Variants in DNM1L observed in about 807,000 individuals in gnomAD.
The protein encoded by DNM1L is dynamin-1-like protein.
DNM1L carries 33 observed loss-of-function variants against 92.8 expected under a neutral mutation model. That is an observed-to-expected ratio of 0.36 (90% CI 0.27 to 0.48). The LOEUF (loss-of-function observed/expected upper bound fraction) is 0.48, where lower values mean the gene tolerates loss of function less well. Among genes scored for constraint, DNM1L ranks in the 20% least tolerant of loss-of-function variants. The probability of loss-of-function intolerance (pLI) is 0.99; values close to 1 mark genes in which losing one functional copy is unlikely to be tolerated. For missense variants in DNM1L, 485 were observed against 888.8 expected (o/e 0.55, Z 5.78); for synonymous variants, 284 against 305.0 (o/e 0.93, Z 0.72).
intron 7 of DNM1L, among the ~76,000 whole-genome samples, chr12:32,719,451 A>T (rs937498811): frequency 3.3e-5 from 5 of 152,206 alleles, no homozygotes. Context: ...ATTGGTTTTA[A>T]TCCCTGGCAT....
chr12:32,731,962 G>C lies in DNM1L; in HGVS notation c.1446+19G>C. ...TGAAATGGTGAGCTACTATAGCATA[G>C]ATCATTGTAATTACTATTAGTAAAA... On this transcript the variant is annotated intron_variant, in intron 12 of 19. Transcript: ENST00000549701. The surrounding 1 kb of genome is among the most constrained non-coding windows in gnomAD (Gnocchi z 5.1). 1.3e-6 allele frequency: 2 copies of C among 1,581,424 alleles called. No homozygotes were observed. The highest frequency in any genetic ancestry group is 1.7e-6 in the Non-Finnish European group (2 of 1,150,664).
At chr12:32,742,827 T>C (rs1955399888) in intron 19 of DNM1L, 79 bp downstream of exon 19, 1 of 1,533,676 alleles carries the variant, frequency 6.5e-7, no homozygotes, top group Non-Finnish European at 9.0e-7. Flanking sequence ...GTTTGATTCT[T>C]GGATATGTAT....
chr12:32,740,589 A>T (rs1592690173), intron 18 of DNM1L, 71 bp downstream of exon 18: 2 of 1,349,764 alleles, frequency 1.5e-6, no homozygotes, highest in East Asian at 2.5e-5. Context: ...TTTGAAAAAT[A>T]CATGTATTTT....
intron 6 of DNM1L, among the ~76,000 whole-genome samples, chr12:32,717,875 CTA>C (rs1176597728): frequency 9.6e-6 from 1 of 104,442 alleles, no homozygotes. Flanking sequence ...ATAGTATATA[CTA>C]TATATATTTA....
chr12:32,696,760 G>A (rs1266671604), intron 1 of DNM1L, among the ~76,000 whole-genome samples: 1 of 151,576 alleles, frequency 6.6e-6, no homozygotes, highest in Non-Finnish European at 1.5e-5. Flanking sequence ...GAGTAGCTGG[G>A]ATTGCAGGCA....
intron 1 of DNM1L, among the ~76,000 whole-genome samples, chr12:32,680,833 T>G (rs190153655): frequency 8.1e-4 from 123 of 152,324 alleles, no homozygotes; most frequent in African/African-American, 4.8e-4. Flanking sequence ...AAAACTAACC[T>G]GTTTTTGTAA....
chr12:32,697,610 G>C (rs964544914), intron 1 of DNM1L, among the ~76,000 whole-genome samples: 2 of 152,112 alleles, frequency 1.3e-5, no homozygotes, highest in African/African-American at 4.8e-5. Context: ...ACAGCTCTTG[G>C]TGTGGAAGAA....
intron 12 of DNM1L, chr12:32,732,647 T>C (rs565387334): frequency 3.6e-5 from 16 of 450,288 alleles, no homozygotes; most frequent in African/African-American, 3.0e-4. Flanking sequence ...TTAGCAAGGA[T>C]AGCCCTCAGA....
chr12:32,742,516 G>A, intron 18 of DNM1L, 73 bp from the exon 19 acceptor site: 2 of 1,572,408 alleles, frequency 1.3e-6, no homozygotes, highest in South Asian at 1.1e-5. Context: ...TATTTCATGA[G>A]GTTAGCATCT....
rs1952972580 is a variant in DNM1L at position 32,707,494 on chromosome 12, A to AT, written c.297+83dup. ...ATACTTGATAATTTAGTTTCTAATC[A>AT]TTGGCAATTACGTTATTTTAAAGTA... On this transcript the variant is annotated intron_variant, in intron 3 of 19. Transcript: ENST00000549701. 4.0e-6 allele frequency: 4 copies of AT among 994,044 alleles called. No homozygotes were observed. The Admixed American group carries it at 1.0e-4, about 25-fold the overall frequency. 61.6% of individuals were successfully genotyped at this position (994,044 alleles called of 1,614,324 possible). A position where few individuals can be genotyped will look rare whatever the true frequency, so the allele number is the denominator to read the frequency against.
In DNM1L at chr12:32,717,552, C is replaced by T. The variant is rs867592671; in HGVS notation, c.620-1091C>T. Among the ~76,000 whole-genome samples the T allele has an allele frequency of 5.3e-3, 620 of 118,070 alleles. 33 individuals are homozygous for T. The highest frequency in any genetic ancestry group is 0.019 in the African/African-American group (577 of 29,966). The allele number at this position is 118,070 out of a possible 152,430, so 77.5% of individuals were successfully genotyped here. A position where few individuals can be genotyped will look rare whatever the true frequency, so the allele number is the denominator to read the frequency against. Reference sequence around the variant, plus strand: ...GCATAGTGTACAATTTTACCTATGGCATTTTTCAGTTACAAATATATATAC... The same window carrying T: ...GCATAGTGTACAATTTTACCTATGGTATTTTTCAGTTACAAATATATATAC... On this transcript the variant is annotated intron_variant, in intron 6 of 19. Transcript: ENST00000549701.
At position 32,722,591 on chromosome 12, in the gene DNM1L, A is replaced by G; in HGVS notation, c.1037A>G (p.Asn346Ser). The change falls in exon 9 of 20, where the codon AAC becomes AGC. Residue 346 changes from asparagine to serine, a missense_variant. This residue lies in a region of DNM1L where 40 missense variants were observed against 128.7 expected (regional missense o/e 0.31). Coordinates refer to ENST00000549701, the MANE Select transcript of DNM1L (RefSeq NM_012062.5). ...ACCAAATTTGCCACAGAATATTGTA[A>G]CACTATTGAAGGAACTGCAAAATAT... ...LITKFATEYC[N>S]TIEGTAKYIE... The G allele has an allele frequency of 1.2e-6, 2 of 1,613,094 alleles. No homozygotes were observed. The highest frequency in any genetic ancestry group is 1.7e-6 in the Non-Finnish European group (2 of 1,179,958).
At chr12:32,717,086 T>TATATACATAGG (rs2137398280) in intron 6 of DNM1L, among the ~76,000 whole-genome samples, 2 of 131,112 alleles carry the variant, frequency 1.5e-5, no homozygotes, top group South Asian at 2.2e-4. Flanking sequence ...TATATATATA[T>TATATACATAGG]TTTATATATA....
chr12:32,705,282 T>A (rs1286239169), intron 2 of DNM1L: 1 of 152,296 alleles, frequency 6.6e-6, no homozygotes, highest in Admixed American at 6.5e-5. Context: ...AGATTAGAAG[T>A]GTGAGCCCCA....
Position 32,745,539 on chromosome 12 carries a change from G to T in DNM1L, c.*2129G>T, listed in dbSNP as rs561633961. 5.0e-4 allele frequency: 76 copies of T among 152,264 alleles called. No individual in the cohort carries two copies. Among genetic ancestry groups the T allele is most frequent in the Non-Finnish European group, 9.5e-4 (65 of 68,090 alleles). 9.4% of individuals were successfully genotyped at this position (152,264 alleles called of 1,614,324 possible). On this transcript the variant is annotated 3_prime_UTR_variant, in exon 20 of 20. Coordinates refer to ENST00000549701, the MANE Select transcript of DNM1L (RefSeq NM_012062.5). ...ATTGTGTAAATAAAATTGCTGGTATGAAATGACACTAAAGTTTGTCAAAAA... is the reference window on the plus strand; with the variant it reads ...ATTGTGTAAATAAAATTGCTGGTATTAAATGACACTAAAGTTTGTCAAAAA...
At chr12:32,704,783 A>G (rs1462125846) in intron 2 of DNM1L, among the ~76,000 whole-genome samples, 1 of 152,154 alleles carries the variant, frequency 6.6e-6, no homozygotes, top group Non-Finnish European at 1.5e-5. Context: ...GAGTCCACGA[A>G]GGTCAAGAGT....
chr12:32,683,009 TTAATCCTATTTC>T (rs1951866175), intron 1 of DNM1L, among the ~76,000 whole-genome samples: 1 of 152,114 alleles, frequency 6.6e-6, no homozygotes. Flanking sequence ...CTTGGGAAAT[TTAATCCTATTTC>T]TTAAATTAAG....
intron 13 of DNM1L, among the ~76,000 whole-genome samples, chr12:32,736,539 A>G (rs1279750770): frequency 6.6e-6 from 1 of 152,234 alleles, no homozygotes; most frequent in Non-Finnish European, 1.5e-5. Context: ...GGTTACAGAA[A>G]GGACTAGCAG....
intron 1 of DNM1L, among the ~76,000 whole-genome samples, chr12:32,691,942 C>T (rs138496397): frequency 1.7e-3 from 259 of 151,940 alleles, no homozygotes; most frequent in African/African-American, 5.9e-3. Flanking sequence ...ATACTACAAG[C>T]TTCTAAATTG....
Sources: gnomAD v4.1 joint callset for allele counts (sites outside exome capture counted in the v4.1 genomes callset) on GRCh38, gnomAD v4.1.1 for gene constraint, gnomAD v4.1.1 regional missense constraint, Gnocchi (gnomAD v3.1) non-coding constraint, MANE v1.5 for transcripts, NCBI Gene and HGNC (gene_info 2026-07-23, HGNC 2026-07-21) for gene names.